Variants in BCAR3 observed in about 807,000 individuals in gnomAD.
BCAR3 encodes the protein BCAR3 adaptor protein, NSP family member.
A neutral mutation model predicts 80.1 loss-of-function variants in BCAR3; 37 were observed. The ratio of observed to expected loss-of-function variants is 0.46; its 90% CI spans 0.36 to 0.61. The LOEUF (loss-of-function observed/expected upper bound fraction) is 0.61, where lower values mean the gene tolerates loss of function less well. BCAR3 is among the 20% of genes least tolerant of loss of function. BCAR3 has a pLI of 0.00. For missense variants in BCAR3, 978 were observed against 1,068.2 expected (o/e 0.92, Z 1.18); for synonymous variants, 389 against 418.9 (o/e 0.93, Z 0.87).
chr1:93,705,673 G>T (rs4847250), intron 3 of BCAR3, among the ~76,000 whole-genome samples: 4,236 of 152,310 alleles, frequency 0.028, 104 homozygotes, highest in Admixed American at 0.07. Flanking sequence ...CTTACGGCAG[G>T]TTATTCAGCC....
At chr1:93,822,618 C>T (rs953292242) in intron 2 of BCAR3, among the ~76,000 whole-genome samples, 2 of 152,090 alleles carry the variant, frequency 1.3e-5, no homozygotes, top group African/African-American at 4.8e-5. Flanking sequence ...GGATTACAGG[C>T]GTGAGCCACC....
At chr1:93,846,145 GTTAA>G (rs1385022640) in intron 1 of BCAR3, among the ~76,000 whole-genome samples, 2 of 148,544 alleles carry the variant, frequency 1.3e-5, no homozygotes, top group African/African-American at 5.2e-5. Flanking sequence ...TCGTCTTGGG[GTTAA>G]GTAAGACTGT....
At chr1:93,562,562 G>A in intron 11 of BCAR3, 143 bp from the exon 12 acceptor site, 1 of 619,968 alleles carries the variant, frequency 1.6e-6, no homozygotes, top group Non-Finnish European at 2.7e-6. Flanking sequence ...AAGATCAGGA[G>A]ATCGAGACCA....
intron 2 of BCAR3, among the ~76,000 whole-genome samples, chr1:93,659,824 C>T (rs1317402584): frequency 6.6e-6 from 1 of 152,060 alleles, no homozygotes; most frequent in African/African-American, 2.4e-5. Flanking sequence ...CACACGTTCC[C>T]ACCCCCACCC....
intron 3 of BCAR3, among the ~76,000 whole-genome samples, chr1:93,628,601 A>G (rs529699899): frequency 1.3e-5 from 2 of 152,188 alleles, no homozygotes; most frequent in South Asian, 4.2e-4. Flanking sequence ...GTTGACTTGT[A>G]TTTCCACTCA....
At chr1:93,563,737 G>A (rs1004452429) in intron 11 of BCAR3, among the ~76,000 whole-genome samples, 11 of 152,092 alleles carry the variant, frequency 7.2e-5, no homozygotes, top group African/African-American at 2.7e-4. Context: ...GTGTTGCCCA[G>A]GCTGGAGTGC....
chr1:93,763,112 C>G (rs147023585), intron 2 of BCAR3, among the ~76,000 whole-genome samples: 3 of 152,184 alleles, frequency 2.0e-5, no homozygotes, highest in Non-Finnish European at 1.5e-5. Flanking sequence ...TTGCTTGTTA[C>G]AAGTGTGGTA....
chr1:93,632,599 C>T (rs766286726), intron 3 of BCAR3, among the ~76,000 whole-genome samples: 1 of 152,042 alleles, frequency 6.6e-6, no homozygotes, highest in Non-Finnish European at 1.5e-5. Flanking sequence ...GTAGCCCCAT[C>T]GTAAGTGGAG....
chr1:93,621,547 C>T (rs556074390), intron 3 of BCAR3, among the ~76,000 whole-genome samples: 5 of 152,328 alleles, frequency 3.3e-5, no homozygotes, highest in South Asian at 4.1e-4. Context: ...GGCTGGCCAC[C>T]TTGCACACAC....
At chr1:93,620,526 CT>C (rs879542448) in intron 3 of BCAR3, among the ~76,000 whole-genome samples, 1 of 152,124 alleles carries the variant, frequency 6.6e-6, no homozygotes, top group Non-Finnish European at 1.5e-5. Context: ...TGTGGGCCCC[CT>C]CTGCCTATGG....
At chr1:93,610,492 C>T (rs1282972275) in intron 3 of BCAR3, among the ~76,000 whole-genome samples, 2 of 148,298 alleles carry the variant, frequency 1.3e-5, no homozygotes, top group Admixed American at 1.3e-4. Flanking sequence ...AACAAACAAA[C>T]AACAACATCA....
At chr1:93,686,421 A>G (rs1648977239), upstream of BCAR3, among the ~76,000 whole-genome samples, 1 of 152,200 alleles carries the variant, frequency 6.6e-6, no homozygotes, top group South Asian at 2.1e-4. Context: ...TACAAAAAAA[A>G]AGTTAATAAT....
At chr1:93,642,840 G>A (rs549977719) in intron 2 of BCAR3, among the ~76,000 whole-genome samples, 23 of 152,312 alleles carry the variant, frequency 1.5e-4, no homozygotes, top group Admixed American at 2.6e-4. Flanking sequence ...TGGAGGGAAC[G>A]GAGCCTTCTC....
intron 2 of BCAR3, among the ~76,000 whole-genome samples, chr1:93,799,835 G>C (rs572611953): frequency 1.2e-4 from 18 of 152,178 alleles, no homozygotes; most frequent in Non-Finnish European, 2.5e-4. Flanking sequence ...GCTGTTCCAG[G>C]TAAAGGCAAA....
At chr1:93,734,033 C>A (rs1169420267) in intron 2 of BCAR3, among the ~76,000 whole-genome samples, 1 of 152,174 alleles carries the variant, frequency 6.6e-6, no homozygotes, top group East Asian at 1.9e-4. Context: ...GGCTGCTGAG[C>A]AAATGTAGGC....
intron 2 of BCAR3, among the ~76,000 whole-genome samples, chr1:93,643,591 T>TAC (rs2101911509): frequency 1.6e-5 from 1 of 61,344 alleles, no homozygotes; most frequent in Admixed American, 1.6e-4. Flanking sequence ...TTTTTAAAAA[T>TAC]ACAGAGAGAG....
chr1:93,740,010 TG>T lies in BCAR3; in HGVS notation c.-62-33869del, dbSNP rs1187947986. 3.4e-5 allele frequency among the ~76,000 whole-genome samples: 5 copies of T among 146,656 alleles called. 1 individual carries two copies. The highest frequency in any genetic ancestry group is 2.8e-4 in the Admixed American group (4 of 14,312). On this transcript the variant is annotated intron_variant, in intron 2 of 13. Transcript: ENST00000370244. ...GAGATCATGCCACTGCACTCCAGCC[TG>T]GGTGACAGAGTGAAACTCCGTCTCA...
chr1:93,654,841 C>A (rs1412164532), intron 2 of BCAR3, among the ~76,000 whole-genome samples: 1 of 152,134 alleles, frequency 6.6e-6, no homozygotes, highest in Admixed American at 6.5e-5. Flanking sequence ...CCTTACCTAG[C>A]CTATTTAGAT....
chr1:93,747,945 C>T lies in BCAR3; in HGVS notation c.-62-41803G>A, dbSNP rs915697858. Among the ~76,000 whole-genome samples the T allele has an allele frequency of 7.4e-5, 11 of 147,740 alleles. 1 individual carries two copies. Among genetic ancestry groups the T allele is most frequent in the African/African-American group, 2.7e-4 (10 of 37,300 alleles). On this transcript the variant is annotated intron_variant, in intron 2 of 13. Coordinates refer to the BCAR3 transcript ENST00000370244. ...ACATTACCTGCCAGCAGTAATGACC[C>T]ATCAAGTGCCTCTGGTCCCAACTGA...
Sources: allele counts gnomAD v4.1 joint callset (sites outside exome capture counted in the v4.1 genomes callset), GRCh38; gene constraint gnomAD v4.1.1; transcripts MANE v1.5; gene names NCBI Gene and HGNC (gene_info 2026-07-23, HGNC 2026-07-21).